COL19A1: variants seen among roughly 807,000 people sequenced by gnomAD.
COL19A1 encodes the protein collagen alpha-1(XIX) chain.
A neutral mutation model predicts 190.2 loss-of-function variants in COL19A1; 159 were observed. That is an observed-to-expected ratio of 0.84 (90% CI 0.73 to 0.95). The LOEUF (loss-of-function observed/expected upper bound fraction) is 0.95. COL19A1 is among the 40% of genes least tolerant of loss of function. The pLI is 0.00. For synonymous variants in COL19A1, 509 were observed against 458.9 expected (o/e 1.11, Z -1.39); for missense variants, 1,418 against 1,431.9 (o/e 0.99, Z 0.16).
intron 11 of COL19A1, among the ~76,000 whole-genome samples, chr6:70,010,724 C>T (rs1266681371): frequency 3.7e-5 from 5 of 134,800 alleles, no homozygotes; most frequent in South Asian, 2.4e-4. Flanking sequence ...CACGGAATCT[C>T]GCTGATTGCT....
At position 69,953,664 on chromosome 6, in the gene COL19A1, T is replaced by G. The variant is rs987996395; in HGVS notation, c.937-6332T>G. Among the ~76,000 whole-genome samples, 6 of 152,128 alleles carry G rather than the reference T, an allele frequency of 3.9e-5. No individual in the cohort carries two copies. In the East Asian group the frequency reaches 9.7e-4, roughly 25 times the overall value. On this transcript the variant is annotated intron_variant, in intron 9 of 50. Transcript: ENST00000620364. ...TCCACTCACACCCCAAGTAGAGCAG[T>G]TGGCAGGGAACACAACAGATGGATG...
intron 16 of COL19A1, among the ~76,000 whole-genome samples, chr6:70,117,735 TA>T (rs1195212117): frequency 1.3e-5 from 2 of 152,196 alleles, no homozygotes; most frequent in Non-Finnish European, 2.9e-5. Context: ...CTCACCACAT[TA>T]ATCCAGATGT....
chr6:70,080,633 T>C (rs763758829), intron 15 of COL19A1, among the ~76,000 whole-genome samples: 10 of 152,216 alleles, frequency 6.6e-5, no homozygotes, highest in Admixed American at 3.3e-4. Flanking sequence ...GGTAAAATAT[T>C]GTCAAAATTA....
intron 10 of COL19A1, among the ~76,000 whole-genome samples, chr6:69,960,928 G>A (rs1372817567): frequency 2.0e-5 from 3 of 152,108 alleles, no homozygotes; most frequent in Non-Finnish European, 4.4e-5. Flanking sequence ...ACCACACCCG[G>A]CCAGGGCTGC....
At chr6:69,870,209 CA>C (rs2149930012) in intron 1 of COL19A1, among the ~76,000 whole-genome samples, 1 of 152,270 alleles carries the variant, frequency 6.6e-6, no homozygotes, top group African/African-American at 2.4e-5. Context: ...AGATTGATCC[CA>C]TGAATACCTA....
intron 4 of COL19A1, among the ~76,000 whole-genome samples, chr6:69,916,228 G>A (rs563745633): frequency 4.6e-5 from 7 of 152,184 alleles, no homozygotes; most frequent in Middle Eastern, 3.4e-3. Context: ...GAGCCACCGC[G>A]CCCAGCTTTA....
At chr6:70,198,075 C>T (rs897485137) in intron 48 of COL19A1, among the ~76,000 whole-genome samples, 11 of 152,268 alleles carry the variant, frequency 7.2e-5, no homozygotes, top group Admixed American at 2.6e-4. Context: ...ATAAAAGATA[C>T]ATATCTGTTT....
chr6:69,955,920 T>C (rs1242488944), intron 9 of COL19A1, among the ~76,000 whole-genome samples: 1 of 152,088 alleles, frequency 6.6e-6, no homozygotes, highest in East Asian at 1.9e-4. Context: ...GTGAATTTTT[T>C]TTCTTTGCTC....
rs1765281528 is a variant in COL19A1, at chr6:70,168,172, G to A, written c.2498G>A (p.Gly833Glu). 4 of 1,612,904 alleles carry A rather than the reference G, an allele frequency of 2.5e-6. No individual in the cohort carries two copies. The East Asian group carries it at 8.9e-5, about 36-fold the overall frequency. The change falls in exon 39 of 51, where the codon GGA (glycine) becomes GAA (glutamate). Residue 833 changes from glycine (G) to glutamate (E), a missense_variant and splice_region_variant. Transcript: ENST00000620364. ...TTTTCTTTTCATTTTCTTTTGAAGG[G>A]AGGTGTGAATGTTCCCAGTTACCCA... ...NGMSSLYKIK[G>E]GVNVPSYPGP... is the part of the protein sequence containing the mutation.
chr6:70,110,255 T>C (rs1309332968), intron 16 of COL19A1, among the ~76,000 whole-genome samples: 1 of 151,848 alleles, frequency 6.6e-6, no homozygotes, highest in East Asian at 1.9e-4. Context: ...TTCAAATTCT[T>C]AACATCCCTT....
intron 5 of COL19A1, among the ~76,000 whole-genome samples, chr6:69,928,246 GT>G (rs1382280916): frequency 1.3e-5 from 2 of 151,892 alleles, no homozygotes; most frequent in Non-Finnish European, 2.9e-5. Context: ...CATAGTGTTA[GT>G]TTTTGTTTTT....
chr6:69,956,615 A>G (rs1774438219), intron 9 of COL19A1, among the ~76,000 whole-genome samples: 2 of 152,108 alleles, frequency 1.3e-5, no homozygotes. Flanking sequence ...GACTATAGTC[A>G]GTAATGTAGA....
chr6:69,960,650 G>C, intron 10 of COL19A1, among the ~76,000 whole-genome samples: 1 of 115,620 alleles, frequency 8.6e-6, no homozygotes, highest in East Asian at 2.7e-4. Context: ...TTTTTTTTGA[G>C]ACGGAGTCTC....
chr6:69,899,952 T>G (rs2149972731), intron 3 of COL19A1, among the ~76,000 whole-genome samples: 1 of 152,330 alleles, frequency 6.6e-6, no homozygotes, highest in Non-Finnish European at 1.5e-5. Context: ...GTTACTCTAA[T>G]TTTTACTTAA....
At chr6:70,149,578 C>T (rs1243850762) in intron 27 of COL19A1, 126 bp from the exon 28 acceptor site, 13 of 1,170,364 alleles carry the variant, frequency 1.1e-5, no homozygotes, top group Middle Eastern at 4.7e-4. Context: ...CAGTTTTCCA[C>T]GTGTGTACGG....
At chr6:69,926,700 A>C (rs1040692828) in intron 4 of COL19A1, among the ~76,000 whole-genome samples, 6 of 152,136 alleles carry the variant, frequency 3.9e-5, no homozygotes, top group African/African-American at 1.4e-4. Flanking sequence ...AAGAAAGACT[A>C]TTTGAAGAAA....
At chr6:70,063,379 C>T (rs1480162419) in intron 14 of COL19A1, among the ~76,000 whole-genome samples, 3 of 152,186 alleles carry the variant, frequency 2.0e-5, no homozygotes, top group Admixed American at 6.5e-5. Flanking sequence ...TCCTGAATGA[C>T]TGCTGGGTAC....
chr6:69,965,987 G>A (rs1332197967), intron 11 of COL19A1, among the ~76,000 whole-genome samples: 2 of 152,186 alleles, frequency 1.3e-5, no homozygotes, highest in African/African-American at 4.8e-5. Flanking sequence ...TTATAGTGCA[G>A]GCTGCTACTA....
chr6:69,944,269 A>G (rs906678798), intron 9 of COL19A1, among the ~76,000 whole-genome samples: 1 of 152,152 alleles, frequency 6.6e-6, no homozygotes, highest in Non-Finnish European at 1.5e-5. Flanking sequence ...CACCTGACAC[A>G]TTGTCATCAC....
Sources: gnomAD v4.1 joint callset for allele counts (sites outside exome capture counted in the v4.1 genomes callset) on GRCh38, gnomAD v4.1.1 for gene constraint, MANE v1.5 for transcripts, NCBI Gene and HGNC (gene_info 2026-07-23, HGNC 2026-07-21) for gene names.